Variants in GNAQ observed in about 807,000 individuals in gnomAD.
GNAQ encodes guanine nucleotide-binding protein G(q) subunit alpha.
GNAQ carries 8 observed loss-of-function variants against 43.9 expected under a neutral mutation model. That is an observed-to-expected ratio of 0.18 (90% CI 0.11 to 0.33). The LOEUF is 0.33. Among genes scored for constraint, GNAQ ranks in the 10% least tolerant of loss-of-function variants. The probability of loss-of-function intolerance (pLI) is 1.00; values close to 1 mark genes in which losing one functional copy is unlikely to be tolerated. For synonymous variants in GNAQ, 155 were observed against 170.7 expected, an observed-to-expected ratio of 0.91 and a Z score of 0.71; for missense variants, 158 against 450.8, an observed-to-expected ratio of 0.35 and a Z score of 5.88.
At position 77,876,075 on chromosome 9, in the gene GNAQ, TATC is replaced by T. The variant is rs1435760288; in HGVS notation, c.321+46083_321+46085del. ...ATTGTGGCTTTAAATAAAAAACAAA[TATC>T]ATTTGCTATATAAATCTATTGGTAA... On this transcript the variant is annotated intron_variant, in intron 2 of 6. Coordinates refer to ENST00000286548, the MANE Select transcript of GNAQ (RefSeq NM_002072.5). 2.6e-5 allele frequency among the ~76,000 whole-genome samples: 4 copies of T among 152,214 alleles called. No homozygotes were observed. In the East Asian group the frequency reaches 7.7e-4, roughly 29 times the overall value.
chr9:77,830,475 T>C (rs954335388), intron 2 of GNAQ, among the ~76,000 whole-genome samples: 9 of 152,210 alleles, frequency 5.9e-5, no homozygotes, highest in Non-Finnish European at 1.3e-4. Flanking sequence ...CCAGGAGTTC[T>C]AAGGAGTCGT....
intron 1 of GNAQ, among the ~76,000 whole-genome samples, chr9:78,009,510 TTAAG>T (rs1386849815): frequency 6.6e-6 from 1 of 152,214 alleles, no homozygotes. Context: ...TTCATGCCCA[TTAAG>T]TAAGTAAACA....
chr9:77,804,048 TTCTC>T (rs1336059716), intron 3 of GNAQ, among the ~76,000 whole-genome samples: 6 of 152,232 alleles, frequency 3.9e-5, no homozygotes, highest in Non-Finnish European at 5.9e-5. Flanking sequence ...ATACAACACT[TTCTC>T]TCTTATGTTT....
chr9:78,006,743 G>A (rs764586697), intron 1 of GNAQ, among the ~76,000 whole-genome samples: 3 of 152,172 alleles, frequency 2.0e-5, no homozygotes, highest in South Asian at 2.1e-4. Context: ...ACAAAGTCGA[G>A]TTTGAGACTT....
chr9:77,752,076 G>A (rs565899009), intron 5 of GNAQ, among the ~76,000 whole-genome samples: 66 of 152,296 alleles, frequency 4.3e-4, no homozygotes, highest in African/African-American at 1.3e-3. Flanking sequence ...CAGTATGCAC[G>A]CAGTGGGAAG....
At chr9:77,752,633 C>CT (rs1301173844) in intron 5 of GNAQ, among the ~76,000 whole-genome samples, 24 of 152,216 alleles carry the variant, frequency 1.6e-4, no homozygotes, top group Admixed American at 1.5e-3. Context: ...TTCCAAGGCT[C>CT]TTTTGTCTCC....
At chr9:77,781,115 CTCATT>C (rs992929755) in intron 5 of GNAQ, among the ~76,000 whole-genome samples, 4 of 151,910 alleles carry the variant, frequency 2.6e-5, no homozygotes, top group African/African-American at 9.7e-5. Context: ...TTGATATAAT[CTCATT>C]TATTTTTGCT....
chr9:77,916,106 GC>G (rs1432902097), intron 2 of GNAQ, among the ~76,000 whole-genome samples: 5 of 152,156 alleles, frequency 3.3e-5, no homozygotes, highest in Non-Finnish European at 5.9e-5. Flanking sequence ...AGTTCTCTGA[GC>G]CTGCCCTAGT....
intron 2 of GNAQ, among the ~76,000 whole-genome samples, chr9:77,897,554 C>T (rs560618637): frequency 1.3e-3 from 201 of 152,294 alleles, no homozygotes; most frequent in African/African-American, 4.3e-3. Flanking sequence ...TGCCCTCAGC[C>T]GGCTTGCCCT....
At chr9:77,721,632 T>TAG in intron 6 of GNAQ, 119 bp from the exon 7 acceptor site, 1 of 677,108 alleles carries the variant, frequency 1.5e-6, no homozygotes, top group Non-Finnish European at 2.5e-6. Context: ...ACTGCAGATT[T>TAG]GATCTGTTAT....
chr9:77,841,592 A>G (rs1213218341), intron 2 of GNAQ, among the ~76,000 whole-genome samples: 1 of 152,234 alleles, frequency 6.6e-6, no homozygotes, highest in Non-Finnish European at 1.5e-5. Context: ...TAGAATTTGT[A>G]TATCAAATGA....
intron 2 of GNAQ, among the ~76,000 whole-genome samples, chr9:77,836,705 T>C (rs1022978372): frequency 2.0e-5 from 3 of 152,198 alleles, no homozygotes; most frequent in Non-Finnish European, 4.4e-5. Flanking sequence ...CTAAATCCTG[T>C]ATCTGCTGAA....
At chr9:77,758,815 G>A (rs77031586) in intron 5 of GNAQ, among the ~76,000 whole-genome samples, 1 of 151,940 alleles carries the variant, frequency 6.6e-6, no homozygotes, top group African/African-American at 2.4e-5. Context: ...GTTTTTTCTA[G>A]TCTTTTCCAT....
chr9:77,859,997 C>T (rs972913964), intron 2 of GNAQ, among the ~76,000 whole-genome samples: 1 of 152,170 alleles, frequency 6.6e-6, no homozygotes, highest in African/African-American at 2.4e-5. Context: ...AATGCACAGA[C>T]ATCTATAATT....
intron 2 of GNAQ, among the ~76,000 whole-genome samples, chr9:77,915,790 A>G (rs929352574): frequency 3.3e-5 from 5 of 152,222 alleles, no homozygotes; most frequent in Non-Finnish European, 5.9e-5. Flanking sequence ...TTATTTTAAC[A>G]AAGACTTAGC....
At position 77,850,131 on chromosome 9, in the gene GNAQ, C is replaced by A. The variant is rs565558926; in HGVS notation, c.322-34361G>T. The stretch of plus-strand genomic sequence containing the variant: ...CACACTTCACCTGATGGCCGCAGGC[C>A]CCTTCAATCGCAGCATGTCCCAACA... On this transcript the variant is annotated intron_variant, in intron 2 of 6. Coordinates refer to ENST00000286548, the MANE Select transcript of GNAQ (RefSeq NM_002072.5). 2.0e-5 allele frequency among the ~76,000 whole-genome samples: 3 copies of A among 152,372 alleles called. No individual in the cohort carries two copies. In the East Asian group the frequency reaches 5.8e-4, roughly 29 times the overall value.
intron 1 of GNAQ, among the ~76,000 whole-genome samples, chr9:77,958,554 A>G (rs1419073320): frequency 6.6e-6 from 1 of 152,268 alleles, no homozygotes; most frequent in Non-Finnish European, 1.5e-5. Flanking sequence ...ATTGTTATAC[A>G]TAAAACTGAC....
At chr9:77,879,137 T>C (rs1295283909) in intron 2 of GNAQ, among the ~76,000 whole-genome samples, 1 of 152,050 alleles carries the variant, frequency 6.6e-6, no homozygotes, top group African/African-American at 2.4e-5. Context: ...ACTAAGAGCA[T>C]CTGAAAAATA....
At chr9:77,937,326 T>C (rs1328452358) in intron 1 of GNAQ, among the ~76,000 whole-genome samples, 2 of 151,830 alleles carry the variant, frequency 1.3e-5, no homozygotes, top group African/African-American at 4.8e-5. Flanking sequence ...TAATCCCAGC[T>C]ACTTGGGAGG....
Sources: allele counts gnomAD v4.1 joint callset (sites outside exome capture counted in the v4.1 genomes callset), GRCh38; gene constraint gnomAD v4.1.1; transcripts MANE v1.5; gene names NCBI Gene and HGNC (gene_info 2026-07-23, HGNC 2026-07-21).